IFT74: variants seen among roughly 807,000 people sequenced by gnomAD.
IFT74 encodes intraflagellar transport protein 74 homolog.
IFT74 carries 92 observed loss-of-function variants against 96.7 expected under a neutral mutation model. The observed-to-expected ratio is 0.95, with a 90% CI of 0.80 to 1.13. IFT74 has a LOEUF of 1.13. Ranked by LOEUF, IFT74 falls within the 50% of genes most tolerant of loss-of-function variation. The pLI is 0.00. For synonymous variants in IFT74, 223 were observed against 213.2 expected (o/e 1.05, Z -0.40); for missense variants, 811 against 698.2 (o/e 1.16, Z -1.82).
At chr9:26,993,737 A>G (rs1827996254) in intron 8 of IFT74, 1 of 152,208 alleles carries the variant, frequency 6.6e-6, no homozygotes, top group Non-Finnish European at 1.5e-5. Flanking sequence ...CAGAAGTAGC[A>G]TATTATACCC....
intron 13 of IFT74, chr9:27,036,431 A>G (rs1393289830): frequency 1.9e-6 from 3 of 1,612,946 alleles, no homozygotes; most frequent in Admixed American, 1.7e-5. Flanking sequence ...CTTTGTACCC[A>G]CGGGTTCTTC....
chr9:27,062,617 G>C lies in IFT74; in HGVS notation c.1685-1G>C. ...TTTTCCCCCTTAACTCATGTAATTA[G>C]TCATAGCAACCAAGAGTCAAGAGAG... On this transcript the variant is annotated splice_acceptor_variant, in intron 19 of 19. Transcript: ENST00000380062. LOFTEE classifies it high-confidence loss of function. 6.5e-7 allele frequency: 1 copy of C among 1,540,678 alleles called. No homozygotes were observed. Among genetic ancestry groups the C allele is most frequent in the Non-Finnish European group, 8.9e-7 (1 of 1,119,116 alleles).
chr9:26,986,271 TTTG>T (rs932358016), intron 6 of IFT74, among the ~76,000 whole-genome samples: 8 of 152,106 alleles, frequency 5.3e-5, no homozygotes, highest in African/African-American at 1.7e-4. Flanking sequence ...TATTTTTGTT[TTTG>T]TTGTTGTTAC....
chr9:27,009,560 G>C (rs1421793925), intron 9 of IFT74, among the ~76,000 whole-genome samples: 1 of 151,890 alleles, frequency 6.6e-6, no homozygotes, highest in African/African-American at 2.4e-5. Flanking sequence ...AATACTTGCA[G>C]TTACAGACTT....
chr9:26,998,307 A>T, intron 8 of IFT74: 6 of 996,046 alleles, frequency 6.0e-6, no homozygotes, highest in Middle Eastern at 3.4e-4. Flanking sequence ...ACCAAATTTC[A>T]TATTTAAGCA....
At position 27,064,642 on chromosome 9, in the gene IFT74, A is replaced by C. The variant is rs1445659236; in HGVS notation, c.*1906A>C. ...TAATCACATTGATTCTATTTCGTGG[A>C]TACTTCCAAGGAGGAAGGGAATCTG... On this transcript the variant is annotated 3_prime_UTR_variant, in exon 20 of 20. Coordinates refer to ENST00000380062, the MANE Select transcript of IFT74 (RefSeq NM_025103.4). Among the ~76,000 whole-genome samples, 1 of 152,122 alleles carries C rather than the reference A, an allele frequency of 6.6e-6. No individual in the cohort carries two copies. The highest frequency in any genetic ancestry group is 2.4e-5 in the African/African-American group (1 of 41,444).
intron 13 of IFT74, chr9:27,036,371 A>G: frequency 6.6e-7 from 1 of 1,511,578 alleles, no homozygotes; most frequent in Non-Finnish European, 8.8e-7. Context: ...TTAAAACATT[A>G]AGCTTATATG....
At chr9:27,054,328 C>G (rs950857789) in intron 16 of IFT74, among the ~76,000 whole-genome samples, 1 of 152,096 alleles carries the variant, frequency 6.6e-6, no homozygotes, top group Non-Finnish European at 1.5e-5. Context: ...AAACCTTAAG[C>G]CTTTAATTGA....
intron 13 of IFT74, among the ~76,000 whole-genome samples, chr9:27,042,411 A>C (rs1819522079): frequency 1.3e-5 from 2 of 152,278 alleles, no homozygotes; most frequent in South Asian, 4.1e-4. Context: ...AAAAGCAAAA[A>C]TAAAACATAG....
At chr9:26,974,672 C>T (rs1466644781) in intron 2 of IFT74, among the ~76,000 whole-genome samples, 1 of 152,100 alleles carries the variant, frequency 6.6e-6, no homozygotes, top group East Asian at 1.9e-4. Context: ...TTCACGTTTC[C>T]AAATTGCCAT....
chr9:26,950,320 AAAAG>A (rs1252588967), intron 1 of IFT74, among the ~76,000 whole-genome samples: 11 of 151,916 alleles, frequency 7.2e-5, no homozygotes, highest in East Asian at 1.9e-4. Flanking sequence ...CAAAAAAAAA[AAAAG>A]AAAGAAAGAA....
intron 16 of IFT74, among the ~76,000 whole-genome samples, chr9:27,051,831 T>A (rs950089555): frequency 6.6e-6 from 1 of 152,226 alleles, no homozygotes; most frequent in African/African-American, 2.4e-5. Context: ...GACAGATTGC[T>A]TCCACCTTTT....
chr9:26,988,787 A>G (rs1415958079), intron 7 of IFT74, 59 bp downstream of exon 7: 8 of 1,351,222 alleles, frequency 5.9e-6, no homozygotes, highest in Non-Finnish European at 6.0e-6. Context: ...AAAACAAAGC[A>G]TTTATATCTA....
intron 6 of IFT74, among the ~76,000 whole-genome samples, chr9:26,985,583 A>G (rs1827595974): frequency 6.6e-6 from 1 of 152,198 alleles, no homozygotes; most frequent in Admixed American, 6.5e-5. Flanking sequence ...CAAATAAAGT[A>G]TCCCTTTACT....
At position 27,062,682 on chromosome 9, in the gene IFT74, TGC is replaced by T; in HGVS notation, c.1750_1751del (p.Ala584ArgfsTer4). On this transcript the variant is annotated frameshift_variant, in exon 20 of 20. Transcript: ENST00000380062. LOFTEE classifies it high-confidence loss of function. ...TTAAGAAAAATGTGACCAAGCAGAT[TGC>T]AGAGTACAATAAAACCATCGTGGAT... is the stretch of plus-strand genomic sequence containing the variant. The part of the protein sequence containing the change: ...PIKKNVTKQI[A>X]EYNKTIVDAL... 1 of 1,610,342 alleles carries T rather than the reference TGC, an allele frequency of 6.2e-7. No individual in the cohort carries two copies.
In IFT74 at chr9:27,066,084, A is replaced by G. The variant is rs1248957415; in HGVS notation, c.*3348A>G. ...TATGTCACACATATCTGTTTTATTT[A>G]TGTATTTATGCACCTTTAATTAAAT... On this transcript the variant is annotated 3_prime_UTR_variant, in exon 20 of 20. Transcript: ENST00000380062. Among the ~76,000 whole-genome samples, 1 of 152,166 alleles carries G rather than the reference A, an allele frequency of 6.6e-6. No homozygotes were observed. Among genetic ancestry groups the G allele is most frequent in the Admixed American group, 6.5e-5 (1 of 15,272 alleles).
At chr9:27,047,236 T>A in intron 14 of IFT74, 38 bp from the exon 15 acceptor site, 1 of 1,218,234 alleles carries the variant, frequency 8.2e-7, no homozygotes, top group Non-Finnish European at 1.2e-6. Context: ...GTGTTAACTC[T>A]ATCAGCAGTA....
chr9:26,948,454 T>TATTA (rs1563926488), intron 1 of IFT74, among the ~76,000 whole-genome samples: 53 of 33,496 alleles, frequency 1.6e-3, no homozygotes, highest in African/African-American at 0.012. Flanking sequence ...CATTATTTTT[T>TATTA]TTTTTTTTTT....
chr9:26,947,141 C>CT, exon 1 of IFT74: 1 of 1,367,142 alleles, frequency 7.3e-7, no homozygotes, highest in East Asian at 2.9e-5. Context: ...GGAGAAGAGC[C>CT]TGCAGGTAAG....
Sources: gnomAD v4.1 joint callset for allele counts (sites outside exome capture counted in the v4.1 genomes callset) on GRCh38, gnomAD v4.1.1 for gene constraint, MANE v1.5 for transcripts, NCBI Gene and HGNC (gene_info 2026-07-23, HGNC 2026-07-21) for gene names.